Variants in CSNK1G1 observed in about 807,000 individuals in gnomAD.
CSNK1G1 encodes casein kinase I isoform gamma-1.
A neutral mutation model predicts 59.6 loss-of-function variants in CSNK1G1; 22 were observed. The ratio of observed to expected loss-of-function variants is 0.37; its 90% CI spans 0.26 to 0.53. The LOEUF is 0.53. Among genes scored for constraint, CSNK1G1 ranks in the 20% least tolerant of loss-of-function variants. The probability of loss-of-function intolerance (pLI) is 0.89; values close to 1 mark genes in which losing one functional copy is unlikely to be tolerated. For synonymous variants in CSNK1G1, 179 were observed against 177.1 expected (o/e 1.01, Z -0.08); for missense variants, 384 against 519.5 (o/e 0.74, Z 2.54).
intron 2 of CSNK1G1, among the ~76,000 whole-genome samples, chr15:64,293,654 G>C (rs1173297945): frequency 6.6e-6 from 1 of 152,222 alleles, no homozygotes; most frequent in East Asian, 1.9e-4. Flanking sequence ...GTGCCAGTCC[G>C]TGGCCCTGTT....
chr15:64,302,860 T>G (rs770785546), intron 1 of CSNK1G1, among the ~76,000 whole-genome samples: 7 of 152,222 alleles, frequency 4.6e-5, no homozygotes, highest in Non-Finnish European at 1.0e-4. Flanking sequence ...ATTTGGAAAC[T>G]ATATTACATT....
intron 4 of CSNK1G1, among the ~76,000 whole-genome samples, chr15:64,230,704 G>A (rs963084524): frequency 6.6e-6 from 1 of 152,186 alleles, no homozygotes; most frequent in Non-Finnish European, 1.5e-5. Context: ...CGGGTGCAGT[G>A]GCTCACGCCT....
intron 1 of CSNK1G1, among the ~76,000 whole-genome samples, chr15:64,309,182 T>G (rs535521183): frequency 6.6e-6 from 1 of 152,264 alleles, no homozygotes; most frequent in African/African-American, 2.4e-5. Context: ...ACCATAGCAG[T>G]AATCACAGTG....
intron 4 of CSNK1G1, among the ~76,000 whole-genome samples, chr15:64,231,817 TTG>T (rs2082554602): frequency 6.6e-6 from 1 of 152,218 alleles, no homozygotes; most frequent in Non-Finnish European, 1.5e-5. Flanking sequence ...CTGTTTTAGC[TTG>T]TGTTACAGTT....
At chr15:64,275,238 C>A (rs1199153844) in intron 2 of CSNK1G1, among the ~76,000 whole-genome samples, 1 of 152,152 alleles carries the variant, frequency 6.6e-6, no homozygotes, top group African/African-American at 2.4e-5. Flanking sequence ...ATGGGTTTCA[C>A]CTTGTTGCCA....
intron 5 of CSNK1G1, among the ~76,000 whole-genome samples, chr15:64,215,208 T>A (rs1248423381): frequency 1.0e-5 from 1 of 99,686 alleles, no homozygotes; most frequent in East Asian, 2.5e-4. Context: ...TACTAACTTT[T>A]TTTTTTTTTT....
At chr15:64,182,052 C>CTTTTTTTTTTTTTTTTTTTTTT (rs1567358672) in intron 10 of CSNK1G1, 1 of 118,372 alleles carries the variant, frequency 8.4e-6, no homozygotes, top group African/African-American at 4.1e-5. Flanking sequence ...ATTAGTAACC[C>CTTTTTTTTTTTTTTTTTTTTTT]GTTTTTTTTT....
chr15:64,338,900 A>G (rs1194319353), intron 1 of CSNK1G1, among the ~76,000 whole-genome samples: 3 of 150,842 alleles, frequency 2.0e-5, no homozygotes, highest in Non-Finnish European at 4.4e-5. Flanking sequence ...GCCTGTAATC[A>G]CAGCTACTTG....
chr15:64,283,737 C>T (rs1894266387), intron 2 of CSNK1G1, among the ~76,000 whole-genome samples: 1 of 152,218 alleles, frequency 6.6e-6, no homozygotes, highest in Non-Finnish European at 1.5e-5. Flanking sequence ...CCCACCTCTG[C>T]TTCCCAAAGT....
chr15:64,348,614 G>A (rs1296513802), intron 1 of CSNK1G1, among the ~76,000 whole-genome samples: 9 of 152,190 alleles, frequency 5.9e-5, no homozygotes, highest in African/African-American at 9.6e-5. Context: ...CCTGGCATTA[G>A]TCATTTCTCT....
intron 10 of CSNK1G1, among the ~76,000 whole-genome samples, chr15:64,183,620 C>T (rs2081849459): frequency 6.6e-6 from 1 of 151,694 alleles, no homozygotes; most frequent in Non-Finnish European, 1.5e-5. Flanking sequence ...CTATCAACTT[C>T]ATAAATATGA....
At chr15:64,347,026 G>T (rs1377729896) in intron 1 of CSNK1G1, among the ~76,000 whole-genome samples, 1 of 152,050 alleles carries the variant, frequency 6.6e-6, no homozygotes, top group Admixed American at 6.6e-5. Flanking sequence ...ATCCAAAAAG[G>T]TATAGAAATG....
chr15:64,230,083 G>A (rs941501476), intron 4 of CSNK1G1, among the ~76,000 whole-genome samples: 86 of 151,132 alleles, frequency 5.7e-4, no homozygotes, highest in African/African-American at 1.9e-3. Flanking sequence ...CACCGTGCCC[G>A]GCTAATTTTT....
intron 2 of CSNK1G1, among the ~76,000 whole-genome samples, chr15:64,273,064 C>T (rs548333093): frequency 6.6e-6 from 1 of 152,292 alleles, no homozygotes; most frequent in Non-Finnish European, 1.5e-5. Flanking sequence ...CATGGTTTCA[C>T]TTAAAATCAC....
intron 1 of CSNK1G1, among the ~76,000 whole-genome samples, chr15:64,312,082 A>C (rs1198457794): frequency 1.3e-5 from 2 of 152,212 alleles, no homozygotes; most frequent in African/African-American, 4.8e-5. Context: ...GGAGAACTAC[A>C]AACCACTGCT....
At chr15:64,323,021 C>A (rs1317001725) in intron 1 of CSNK1G1, among the ~76,000 whole-genome samples, 1 of 151,764 alleles carries the variant, frequency 6.6e-6, no homozygotes, top group Non-Finnish European at 1.5e-5. Flanking sequence ...CTCCTGGGCT[C>A]AAGCAATCCT....
rs1272179532 is a variant in CSNK1G1 at position 64,181,718 on chromosome 15, G to A, written c.1108-1264C>T. The A allele has an allele frequency of 3.6e-5, 11 of 308,140 alleles. No individual in the cohort carries two copies. In the East Asian group the frequency reaches 6.4e-4, roughly 18 times the overall value. The allele number at this position is 308,140 out of a possible 1,614,324, so 19.1% of individuals were successfully genotyped here. Reference sequence around the variant, plus strand: ...GCCTAAGCTTCCTAATCTCTAAAATGGGAGAACAATGCTGCTTACCTAATG... The same window carrying A: ...GCCTAAGCTTCCTAATCTCTAAAATAGGAGAACAATGCTGCTTACCTAATG... On this transcript the variant is annotated intron_variant, in intron 10 of 11. Transcript: ENST00000303052.
intron 1 of CSNK1G1, among the ~76,000 whole-genome samples, chr15:64,320,585 G>A (rs141403521): frequency 4.0e-5 from 6 of 151,442 alleles, no homozygotes; most frequent in Middle Eastern, 3.4e-3. Context: ...AGGCTGAGGC[G>A]GGAGAATCGC....
At chr15:64,354,353 C>T (rs1898513674) in intron 1 of CSNK1G1, among the ~76,000 whole-genome samples, 2 of 152,052 alleles carry the variant, frequency 1.3e-5, no homozygotes, top group South Asian at 4.1e-4. Flanking sequence ...ATTTTACACC[C>T]CAATTTTAAT....
Sources: gnomAD v4.1 joint callset for allele counts (sites outside exome capture counted in the v4.1 genomes callset) on GRCh38, gnomAD v4.1.1 for gene constraint, MANE v1.5 for transcripts, NCBI Gene and HGNC (gene_info 2026-07-23, HGNC 2026-07-21) for gene names.